Variants in NEBL observed in about 807,000 individuals in gnomAD.
NEBL encodes nebulette, also known as LIM and SH3 protein 2.
A neutral mutation model predicts 140.2 loss-of-function variants in NEBL; 122 were observed. The observed-to-expected ratio is 0.87, with a 90% CI of 0.75 to 1.01. The LOEUF is 1.01. Ranked by LOEUF, NEBL falls within the 50% of genes least tolerant of loss-of-function variation. The probability of loss-of-function intolerance (pLI) is 0.00; values close to 1 mark genes in which losing one functional copy is unlikely to be tolerated. For missense variants in NEBL, 1,365 were observed against 1,231.3 expected (o/e 1.11, Z -1.62); for synonymous variants, 436 against 398.9 (o/e 1.09, Z -1.11).
intron 2 of NEBL, among the ~76,000 whole-genome samples, chr10:21,160,436 T>C (rs572761968): frequency 2.6e-5 from 4 of 152,324 alleles, no homozygotes; most frequent in South Asian, 4.1e-4. Context: ...CTAAACAGAA[T>C]TTTCTTTCTT....
intron 3 of NEBL, among the ~76,000 whole-genome samples, chr10:21,227,582 A>G (rs552243996): frequency 1.3e-5 from 2 of 152,346 alleles, no homozygotes; most frequent in East Asian, 3.9e-4. Context: ...GAGAAAAGCT[A>G]CATACTTTTT....
At chr10:20,980,593 C>A (rs1564469687) in intron 3 of NEBL, among the ~76,000 whole-genome samples, 1 of 152,148 alleles carries the variant, frequency 6.6e-6, no homozygotes, top group Non-Finnish European at 1.5e-5. Flanking sequence ...TGGCCTTACA[C>A]TTGGTAAAGT....
At chr10:21,240,916 A>ACGCACACATACACACACC in intron 3 of NEBL, among the ~76,000 whole-genome samples, 1 of 149,344 alleles carries the variant, frequency 6.7e-6, no homozygotes. Flanking sequence ...ATACACACAC[A>ACGCACACATACACACACC]CACACACACA....
At chr10:20,827,470 C>T (rs1301857061) in intron 17 of NEBL, among the ~76,000 whole-genome samples, 1 of 152,224 alleles carries the variant, frequency 6.6e-6, no homozygotes, top group Non-Finnish European at 1.5e-5. Flanking sequence ...CAGAAGTCCT[C>T]ACACTTACTA....
intron 3 of NEBL, among the ~76,000 whole-genome samples, chr10:20,970,311 T>C (rs1406277090): frequency 6.6e-6 from 1 of 152,194 alleles, no homozygotes; most frequent in African/African-American, 2.4e-5. Context: ...AATCTGCATT[T>C]AGGAGCTCCT....
At chr10:20,895,097 G>A (rs1196919511) in intron 2 of NEBL, among the ~76,000 whole-genome samples, 1 of 151,900 alleles carries the variant, frequency 6.6e-6, no homozygotes, top group African/African-American at 2.4e-5. Context: ...TAATGATAAA[G>A]GCCACCACCC....
upstream of NEBL, chr10:21,174,264 G>C (rs1051621783): frequency 1.8e-4 from 29 of 157,702 alleles, no homozygotes; most frequent in Non-Finnish European, 2.7e-4. Context: ...GGGCGCAGCG[G>C]GGGAGGGGGC....
At chr10:21,177,892 C>G (rs1841329074), upstream of NEBL, among the ~76,000 whole-genome samples, 1 of 152,136 alleles carries the variant, frequency 6.6e-6, no homozygotes, top group Admixed American at 6.5e-5. Flanking sequence ...GTATAGAGCT[C>G]TTATTATTAA....
intron 2 of NEBL, among the ~76,000 whole-genome samples, chr10:21,137,176 C>T (rs762346998): frequency 6.6e-6 from 1 of 152,086 alleles, no homozygotes; most frequent in South Asian, 2.1e-4. Flanking sequence ...ATGAATTTAA[C>T]CTTTTACTTG....
At chr10:20,961,850 G>A (rs1446505531) in intron 3 of NEBL, 49 of 1,127,126 alleles carry the variant, frequency 4.3e-5, no homozygotes, top group East Asian at 3.8e-4. Context: ...CTGGGCCAAC[G>A]AAGCTGCTGG....
chr10:21,111,429 C>G (rs1833941583), intron 2 of NEBL, among the ~76,000 whole-genome samples: 1 of 151,942 alleles, frequency 6.6e-6, no homozygotes, highest in African/African-American at 2.4e-5. Context: ...GCCTCAGAAA[C>G]AACACCATGC....
chr10:21,053,804 A>G (rs141006909), intron 2 of NEBL, among the ~76,000 whole-genome samples: 2,221 of 152,248 alleles, frequency 0.015, 34 homozygotes, highest in Non-Finnish European at 0.02. Context: ...AGGCCGAGGC[A>G]GGTGGATCAC....
intron 6 of NEBL, 34 bp from the exon 7 acceptor site, chr10:20,868,799 TCTACC>T (rs768150280): frequency 1.3e-5 from 19 of 1,448,732 alleles, no homozygotes; most frequent in Non-Finnish European, 1.6e-5. Flanking sequence ...GTTAAATATT[TCTACC>T]CTCCAATGAT....
At chr10:21,190,249 G>A (rs1419265292) in intron 3 of NEBL, among the ~76,000 whole-genome samples, 1 of 152,130 alleles carries the variant, frequency 6.6e-6, no homozygotes, top group Non-Finnish European at 1.5e-5. Flanking sequence ...AGAAGCCAAG[G>A]TGGGAGGATC....
chr10:20,892,672 C>T (rs12265433), intron 2 of NEBL, among the ~76,000 whole-genome samples: 2,294 of 152,282 alleles, frequency 0.015, 44 homozygotes, highest in African/African-American at 0.052. Flanking sequence ...ACCCACAAAT[C>T]CCACGTCTCC....
intron 3 of NEBL, among the ~76,000 whole-genome samples, chr10:21,230,857 G>A (rs1054375431): frequency 6.6e-6 from 1 of 151,900 alleles, no homozygotes; most frequent in African/African-American, 2.4e-5. Flanking sequence ...CACTGTCCTC[G>A]GCCTCCCAAA....
intron 26 of NEBL, among the ~76,000 whole-genome samples, chr10:20,789,516 A>G (rs1835735441): frequency 6.6e-6 from 1 of 152,202 alleles, no homozygotes; most frequent in African/African-American, 2.4e-5. Context: ...TGACAATTCA[A>G]GAATGTTGCT....
At position 21,030,546 on chromosome 10, in the gene NEBL, A is replaced by G. The variant is rs1827314399; in HGVS notation, c.165-10345T>C. 3.9e-6 allele frequency: 3 copies of G among 774,186 alleles called. No homozygotes were observed. The Admixed American group carries it at 5.5e-5, about 14-fold the overall frequency. The allele number at this position is 774,186 out of a possible 1,614,324, so 48.0% of individuals were successfully genotyped here. A position where few individuals can be genotyped will look rare whatever the true frequency, so the allele number is the denominator to read the frequency against. On this transcript the variant is annotated intron_variant, in intron 2 of 6. Coordinates refer to the NEBL transcript ENST00000417816. ...AGTGAGGTTCTAACCCTCCTGCTCC[A>G]TCTCAGAGCTCAGACACACAGCACG...
chr10:21,275,623 C>T (rs1842910838), intron 1 of NEBL, among the ~76,000 whole-genome samples: 4 of 147,198 alleles, frequency 2.7e-5, no homozygotes, highest in Admixed American at 2.0e-4. Flanking sequence ...AACATAGACT[C>T]ATCACATTAC....
Sources: gnomAD v4.1 joint callset for allele counts (sites outside exome capture counted in the v4.1 genomes callset) on GRCh38, gnomAD v4.1.1 for gene constraint, MANE v1.5 for transcripts, NCBI Gene and HGNC (gene_info 2026-07-23, HGNC 2026-07-21) for gene names.